The following ZBBX variants were observed in gnomAD, a reference collection of about 807,000 sequenced individuals.
ZBBX encodes zinc finger B-box domain-containing protein 1.
Under a neutral mutation model 108.5 loss-of-function variants are expected in ZBBX, and 101 were observed. That is an observed-to-expected ratio of 0.93 (90% CI 0.79 to 1.10). The LOEUF (loss-of-function observed/expected upper bound fraction) is 1.10. Among genes scored for constraint, ZBBX ranks in the 50% least tolerant of loss-of-function variants. The pLI is 0.00. For synonymous variants in ZBBX, 356 were observed against 323.4 expected (o/e 1.10, Z -1.08); for missense variants, 1,009 against 941.4 (o/e 1.07, Z -0.94).
intron 19 of ZBBX, among the ~76,000 whole-genome samples, chr3:167,284,960 T>C (rs190327563): frequency 7.6e-4 from 115 of 151,902 alleles, no homozygotes; most frequent in African/African-American, 2.8e-3. Flanking sequence ...GATCATTCCA[T>C]ATTTTTTTTA....
chr3:167,231,432 T>C, the ZBBX span, among the ~76,000 whole-genome samples: 7,825 of 151,808 alleles, frequency 0.052, 556 homozygotes, highest in African/African-American at 0.16. Flanking sequence ...CTTTAAATAA[T>C]GCTGAGACCC....
At chr3:167,407,056 G>A (rs1162502835) in intron 1 of ZBBX, among the ~76,000 whole-genome samples, 1 of 152,174 alleles carries the variant, frequency 6.6e-6, no homozygotes, top group African/African-American at 2.4e-5. Context: ...TGTTTTTCAA[G>A]TGGTCACAGA....
At chr3:167,204,487 C>A in the ZBBX span, among the ~76,000 whole-genome samples, 12 of 145,690 alleles carry the variant, frequency 8.2e-5, no homozygotes, top group Admixed American at 7.7e-4. Flanking sequence ...TGAGAATATG[C>A]GGTGTTTGGT....
Position 167,397,142 on chromosome 3 carries a change from TA to T in ZBBX, c.-446+10583del, listed in dbSNP as rs61671930. 9.4e-3 allele frequency among the ~76,000 whole-genome samples: 677 copies of T among 72,400 alleles called. 17 individuals are homozygous for T. Among genetic ancestry groups the T allele is most frequent in the African/African-American group, 0.021 (396 of 18,702 alleles). The allele number at this position is 72,400 out of a possible 152,430, so 47.5% of individuals were successfully genotyped here. On this transcript the variant is annotated intron_variant, in intron 1 of 21. Transcript: ENST00000455345. ...GTCGTGAAGAAGAGGTTCTTGGTGGTAAAAAAAAAAAAAAAAAAAAAAAATC... is the reference window on the plus strand; with the variant it reads ...GTCGTGAAGAAGAGGTTCTTGGTGGTAAAAAAAAAAAAAAAAAAAAAAATC...
At chr3:167,323,237 GA>G (rs200500747) in intron 11 of ZBBX, among the ~76,000 whole-genome samples, 76,983 of 108,120 alleles carry the variant, frequency 0.71, 24,569 homozygotes, top group East Asian at 0.91. Context: ...AGAGCTAAAA[GA>G]GGGGGGGGGG....
At chr3:167,327,157 GA>G (rs1737544366) in intron 11 of ZBBX, among the ~76,000 whole-genome samples, 1 of 150,282 alleles carries the variant, frequency 6.7e-6, no homozygotes. Flanking sequence ...AAAAAAGAAC[GA>G]AAAGTAGTTC....
intron 20 of ZBBX, among the ~76,000 whole-genome samples, chr3:167,280,005 C>T (rs1001115488): frequency 6.6e-6 from 1 of 151,764 alleles, no homozygotes; most frequent in Non-Finnish European, 1.5e-5. Context: ...GGAAAGGATT[C>T]CCTATTTAAT....
rs115503790 is a variant in ZBBX at position 167,342,635 on chromosome 3, A to G, written c.528+7785T>C. 6.5e-3 allele frequency among the ~76,000 whole-genome samples: 991 copies of G among 151,802 alleles called. 2 individuals carry two copies. Among genetic ancestry groups the G allele is most frequent in the Middle Eastern group, 0.01 (3 of 294 alleles). Reference sequence around the variant, plus strand: ...ACTTTCTACCCATTGAACAATATCTATTTTCCCTATCCACTAACTACCACT... The same window carrying G: ...ACTTTCTACCCATTGAACAATATCTGTTTTCCCTATCCACTAACTACCACT... On this transcript the variant is annotated intron_variant, in intron 9 of 21. Transcript: ENST00000675490.
intron 5 of ZBBX, among the ~76,000 whole-genome samples, chr3:167,366,290 T>A (rs1170556745): frequency 6.6e-6 from 1 of 151,814 alleles, no homozygotes; most frequent in Non-Finnish European, 1.5e-5. Context: ...ACTTTACAGG[T>A]CTTTATGAAA....
intron 16 of ZBBX, 84 bp from the exon 17 acceptor site, chr3:167,306,034 T>TA (rs199805567): frequency 0.018 from 20,466 of 1,160,656 alleles, 277 homozygotes; most frequent in South Asian, 0.025. Flanking sequence ...AGTTCTGTGG[T>TA]AAAAAAACTT....
At chr3:167,193,843 T>C in the ZBBX span, among the ~76,000 whole-genome samples, 1 of 152,292 alleles carries the variant, frequency 6.6e-6, no homozygotes, top group African/African-American at 2.4e-5. Context: ...GTGAAACTGC[T>C]GGTTATTATG....
intron 6 of ZBBX, among the ~76,000 whole-genome samples, chr3:167,363,731 A>G (rs1251775142): frequency 2.0e-5 from 3 of 152,124 alleles, no homozygotes; most frequent in East Asian, 3.9e-4. Context: ...TAAACCCTTG[A>G]AAGGTCACCA....
chr3:167,235,036 T>C (rs753204390), downstream of ZBBX, among the ~76,000 whole-genome samples: 7 of 151,764 alleles, frequency 4.6e-5, no homozygotes, highest in Non-Finnish European at 8.9e-5. Flanking sequence ...ATGTAGCTGC[T>C]GTAGTAGTCC....
At chr3:167,237,409 A>C (rs1009499590), downstream of ZBBX, among the ~76,000 whole-genome samples, 27 of 151,938 alleles carry the variant, frequency 1.8e-4, no homozygotes, top group Non-Finnish European at 1.5e-5. Context: ...AAGCATGTAA[A>C]ATCAGGTGGT....
At chr3:167,337,729 A>C (rs1010564336) in intron 9 of ZBBX, among the ~76,000 whole-genome samples, 1 of 152,158 alleles carries the variant, frequency 6.6e-6, no homozygotes, top group Non-Finnish European at 1.5e-5. Flanking sequence ...ATCTAGATTT[A>C]CAAAAGAAAA....
intron 20 of ZBBX, among the ~76,000 whole-genome samples, chr3:167,273,125 T>G (rs990112000): frequency 6.6e-6 from 1 of 152,220 alleles, no homozygotes; most frequent in African/African-American, 2.4e-5. Context: ...CTTCTGAGCT[T>G]TCTTCTAATC....
chr3:167,365,980 TAATATATATA>T lies in ZBBX; in HGVS notation c.183-14_183-5del. 3.1e-6 allele frequency: 5 copies of T among 1,590,686 alleles called. No homozygotes were observed. Among genetic ancestry groups the T allele is most frequent in the Non-Finnish European group, 4.3e-6 (5 of 1,161,336 alleles). ...TTTCCAGTAATACTCGCTTGACCTT[TAATATATATA>T]AACAAGATAAAATGTAATCACTAAA... On this transcript the variant is annotated splice_region_variant and splice_polypyrimidine_tract_variant and intron_variant, in intron 5 of 21. Coordinates refer to ENST00000675490, the MANE Select transcript of ZBBX (RefSeq NM_001199201.2).
intron 17 of ZBBX, among the ~76,000 whole-genome samples, chr3:167,303,846 T>C (rs1176900256): frequency 6.6e-6 from 1 of 152,214 alleles, no homozygotes; most frequent in East Asian, 1.9e-4. Flanking sequence ...TAAGTCATAA[T>C]GCGAATTTGT....
chr3:167,386,324 G>A (rs767206105), intron 1 of ZBBX, among the ~76,000 whole-genome samples: 4 of 151,896 alleles, frequency 2.6e-5, no homozygotes, highest in Non-Finnish European at 5.9e-5. Context: ...ACTTAAACTA[G>A]GATGGATTGT....
Sources: allele counts gnomAD v4.1 joint callset (sites outside exome capture counted in the v4.1 genomes callset), GRCh38; gene constraint gnomAD v4.1.1; transcripts MANE v1.5; gene names NCBI Gene and HGNC (gene_info 2026-07-23, HGNC 2026-07-21).